CCDC148: variants seen among roughly 807,000 people sequenced by gnomAD.
CCDC148 encodes coiled-coil domain-containing protein 148.
A neutral mutation model predicts 85.7 loss-of-function variants in CCDC148; 89 were observed. The ratio of observed to expected loss-of-function variants is 1.04; its 90% CI spans 0.87 to 1.24. CCDC148 has a LOEUF of 1.24. Among genes scored for constraint, CCDC148 ranks in the 50% most tolerant of loss-of-function variants. The pLI is 0.00. For synonymous variants in CCDC148, 230 were observed against 213.9 expected (o/e 1.08, Z -0.66); for missense variants, 692 against 671.7 (o/e 1.03, Z -0.33).
At chr2:158,277,400 T>A (rs1251858028) in intron 9 of CCDC148, among the ~76,000 whole-genome samples, 2 of 152,154 alleles carry the variant, frequency 1.3e-5, no homozygotes, top group Non-Finnish European at 2.9e-5. Context: ...ATTAAGCTAA[T>A]GTTTTGTCAT....
chr2:158,456,719 C>G lies in CCDC148; in HGVS notation c.-280G>C. On this transcript the variant is annotated 5_prime_UTR_variant, in exon 1 of 14. Transcript: ENST00000283233. ...CCTTCTCTCTCACACCCACCCTCTC[C>G]AGGCCCTCTCGCGCTGAACAGCATC... 1 of 496,678 alleles carries G rather than the reference C, an allele frequency of 2.0e-6. No individual in the cohort carries two copies. Among genetic ancestry groups the G allele is most frequent in the South Asian group, 2.4e-5 (1 of 42,160 alleles). 30.8% of individuals were successfully genotyped at this position (496,678 alleles called of 1,614,324 possible). A position where few individuals can be genotyped will look rare whatever the true frequency, so the allele number is the denominator to read the frequency against.
intron 1 of CCDC148, among the ~76,000 whole-genome samples, chr2:158,445,429 A>G (rs1316590367): frequency 1.3e-5 from 2 of 152,226 alleles, no homozygotes; most frequent in African/African-American, 2.4e-5. Context: ...CTGAATCACA[A>G]TAATGATCAC....
At chr2:158,455,879 G>A (rs1042387111) in intron 1 of CCDC148, among the ~76,000 whole-genome samples, 7 of 152,184 alleles carry the variant, frequency 4.6e-5, no homozygotes, top group Non-Finnish European at 8.8e-5. Flanking sequence ...AGATTTTTGC[G>A]TGTACTGATT....
chr2:158,249,823 T>G (rs1010090574), intron 10 of CCDC148, among the ~76,000 whole-genome samples: 1 of 152,112 alleles, frequency 6.6e-6, no homozygotes, highest in South Asian at 2.1e-4. Flanking sequence ...GTCAACCATG[T>G]TCACAAAAAT....
intron 7 of CCDC148, among the ~76,000 whole-genome samples, chr2:158,324,495 A>C (rs536629592): frequency 1.3e-5 from 2 of 152,198 alleles, no homozygotes; most frequent in South Asian, 4.2e-4. Flanking sequence ...CTCTTTAGGT[A>C]GTTTTGAAGA....
chr2:158,440,094 T>C (rs1687865980), intron 1 of CCDC148, among the ~76,000 whole-genome samples: 1 of 152,028 alleles, frequency 6.6e-6, no homozygotes, highest in Non-Finnish European at 1.5e-5. Flanking sequence ...GTCTTGAACA[T>C]CTGGGCTCAA....
chr2:158,382,803 C>A (rs1385013188), intron 1 of CCDC148, among the ~76,000 whole-genome samples: 1 of 151,114 alleles, frequency 6.6e-6, no homozygotes, highest in Non-Finnish European at 1.5e-5. Context: ...CGCCTGTAAT[C>A]CCAGCTACTC....
At chr2:158,187,144 C>G (rs572348192) in intron 11 of CCDC148, among the ~76,000 whole-genome samples, 2 of 152,100 alleles carry the variant, frequency 1.3e-5, no homozygotes, top group African/African-American at 4.8e-5. Context: ...CTGAAAAGAG[C>G]ATTCATTTCC....
intron 1 of CCDC148, among the ~76,000 whole-genome samples, chr2:158,404,259 C>A (rs756156271): frequency 6.6e-6 from 1 of 152,040 alleles, no homozygotes; most frequent in African/African-American, 2.4e-5. Context: ...AGGATGGAAG[C>A]GCACCCTAAC....
In CCDC148 at chr2:158,423,013, C is replaced by T. The variant is rs143949519; in HGVS notation, c.25+33402G>A. Among the ~76,000 whole-genome samples the T allele has an allele frequency of 2.7e-3, 413 of 152,186 alleles. 1 individual carries two copies. Among genetic ancestry groups the T allele is most frequent in the African/African-American group, 9.3e-3 (385 of 41,528 alleles). ...AAAGAGAATAAAATACCTAGGAATC[C>T]AACTTACAAGGGACATAAAGGACCT... On this transcript the variant is annotated intron_variant, in intron 1 of 13. Coordinates refer to ENST00000283233, the MANE Select transcript of CCDC148 (RefSeq NM_138803.4).
intron 9 of CCDC148, among the ~76,000 whole-genome samples, chr2:158,293,741 C>T (rs770378867): frequency 6.6e-6 from 1 of 152,102 alleles, no homozygotes; most frequent in East Asian, 1.9e-4. Flanking sequence ...AATTCCTTGC[C>T]GGCAACTCTC....
intron 1 of CCDC148, among the ~76,000 whole-genome samples, chr2:158,446,460 G>GT (rs946318870): frequency 6.0e-5 from 9 of 151,108 alleles, no homozygotes; most frequent in Admixed American, 2.0e-4. Flanking sequence ...TCCTCACAAA[G>GT]TTTTTTTTTA....
intron 1 of CCDC148, among the ~76,000 whole-genome samples, chr2:158,400,372 T>C (rs1377243507): frequency 6.6e-6 from 1 of 151,994 alleles, no homozygotes; most frequent in Non-Finnish European, 1.5e-5. Flanking sequence ...TATAGACCAA[T>C]GGAACAGAAC....
At chr2:158,412,599 T>G (rs1686308125) in intron 1 of CCDC148, among the ~76,000 whole-genome samples, 1 of 152,156 alleles carries the variant, frequency 6.6e-6, no homozygotes, top group Admixed American at 6.5e-5. Flanking sequence ...TAGGAAGCAC[T>G]TTATGGAAAA....
At chr2:158,390,669 G>T (rs1430993590) in intron 1 of CCDC148, among the ~76,000 whole-genome samples, 1 of 152,164 alleles carries the variant, frequency 6.6e-6, no homozygotes, top group East Asian at 1.9e-4. Flanking sequence ...AAACAGGTCT[G>T]CAGTGAGCAT....
intron 2 of CCDC148, among the ~76,000 whole-genome samples, chr2:158,349,217 ACATT>A (rs1683142430): frequency 6.6e-6 from 1 of 152,086 alleles, no homozygotes; most frequent in African/African-American, 2.4e-5. Flanking sequence ...TTAAATGTTA[ACATT>A]TTATCATTTT....
At chr2:158,281,366 T>G (rs1690288110) in intron 9 of CCDC148, among the ~76,000 whole-genome samples, 1 of 151,950 alleles carries the variant, frequency 6.6e-6, no homozygotes, top group Admixed American at 6.6e-5. Context: ...ATCAACAAAA[T>G]TGATAGACCG....
intron 8 of CCDC148, among the ~76,000 whole-genome samples, chr2:158,310,529 G>A (rs531808518): frequency 2.9e-4 from 44 of 150,832 alleles, no homozygotes; most frequent in African/African-American, 9.3e-4. Flanking sequence ...CCCCCCAGAC[G>A]GGGCCGCCAG....
At chr2:158,433,226 C>T (rs1687454078) in intron 1 of CCDC148, among the ~76,000 whole-genome samples, 1 of 134,874 alleles carries the variant, frequency 7.4e-6, no homozygotes, top group Non-Finnish European at 1.6e-5. Context: ...AACCACTGTA[C>T]TATAGCCGGG....
Sources: gnomAD v4.1 joint callset for allele counts (sites outside exome capture counted in the v4.1 genomes callset) on GRCh38, gnomAD v4.1.1 for gene constraint, MANE v1.5 for transcripts, NCBI Gene and HGNC (gene_info 2026-07-23, HGNC 2026-07-21) for gene names.